GRID2: variants seen among roughly 807,000 people sequenced by gnomAD.
GRID2 encodes the protein glutamate receptor ionotropic, delta-2.
Under a neutral mutation model 114.8 loss-of-function variants are expected in GRID2, and 33 were observed. That is an observed-to-expected ratio of 0.29 (90% CI 0.22 to 0.38). GRID2 has a LOEUF of 0.38. Among genes scored for constraint, GRID2 ranks in the 10% least tolerant of loss-of-function variants. The pLI is 1.00. For missense variants in GRID2, 1,184 were observed against 1,257.7 expected, an observed-to-expected ratio of 0.94 and a Z score of 0.89; for synonymous variants, 505 against 449.9, an observed-to-expected ratio of 1.12 and a Z score of -1.55.
intron 1 of GRID2, among the ~76,000 whole-genome samples, chr4:93,788,441 A>T (rs1179691839): frequency 6.6e-6 from 1 of 152,196 alleles, no homozygotes; most frequent in Non-Finnish European, 1.5e-5. Flanking sequence ...GATAAGTATG[A>T]ATATCTTAAT....
intron 13 of GRID2, among the ~76,000 whole-genome samples, chr4:93,558,354 A>G (rs1026730707): frequency 6.6e-6 from 1 of 152,266 alleles, no homozygotes; most frequent in Admixed American, 6.5e-5. Context: ...ACTAATAAAG[A>G]AAAAAAGAGA....
chr4:93,101,328 A>G (rs1417116154), intron 3 of GRID2, among the ~76,000 whole-genome samples: 4 of 152,032 alleles, frequency 2.6e-5, no homozygotes, highest in Admixed American at 1.3e-4. Context: ...GATCTTAACT[A>G]TAGTCATCCT....
intron 1 of GRID2, among the ~76,000 whole-genome samples, chr4:92,438,748 T>G (rs549418236): frequency 6.6e-6 from 1 of 152,206 alleles, no homozygotes; most frequent in Non-Finnish European, 1.5e-5. Context: ...GTTGTATTTT[T>G]GAATTCTCTT....
intron 1 of GRID2, among the ~76,000 whole-genome samples, chr4:92,388,116 ATCT>A (rs1229782919): frequency 1.3e-5 from 2 of 152,028 alleles, no homozygotes; most frequent in African/African-American, 4.8e-5. Flanking sequence ...TTGTTTGCTC[ATCT>A]TCTGCTAGAG....
chr4:93,169,080 G>A (rs1041940209), intron 4 of GRID2, among the ~76,000 whole-genome samples: 1 of 147,728 alleles, frequency 6.8e-6, no homozygotes, highest in Middle Eastern at 3.2e-3. Context: ...AAAAGAACAT[G>A]TATTCACTCC....
At chr4:93,402,805 C>T (rs1231345529) in intron 9 of GRID2, among the ~76,000 whole-genome samples, 1 of 151,962 alleles carries the variant, frequency 6.6e-6, no homozygotes, top group Non-Finnish European at 1.5e-5. Context: ...TGATTCCAGG[C>T]TAGCTTTAAA....
intron 2 of GRID2, among the ~76,000 whole-genome samples, chr4:92,873,195 T>C (rs1037103230): frequency 7.9e-5 from 12 of 152,180 alleles, no homozygotes; most frequent in Non-Finnish European, 1.8e-4. Context: ...ATAATATCAG[T>C]CTGTAATCAT....
At chr4:93,477,365 C>T (rs556936747) in intron 11 of GRID2, among the ~76,000 whole-genome samples, 1 of 152,098 alleles carries the variant, frequency 6.6e-6, no homozygotes, top group Non-Finnish European at 1.5e-5. Context: ...GAAGGTCATT[C>T]AGCCATAGCA....
intron 14 of GRID2, among the ~76,000 whole-genome samples, chr4:93,678,414 G>A (rs1313815318): frequency 1.3e-5 from 2 of 152,020 alleles, no homozygotes; most frequent in East Asian, 3.9e-4. Flanking sequence ...TCAGATTCAG[G>A]AAATACAGAG....
At chr4:93,344,986 TGTGTG>T (rs1760069561) in intron 8 of GRID2, among the ~76,000 whole-genome samples, 2 of 78,734 alleles carry the variant, frequency 2.5e-5, no homozygotes, top group Admixed American at 1.1e-4. Context: ...TGTATTCTAG[TGTGTG>T]TGTGTGTGTG....
chr4:93,618,034 A>G (rs750820841), intron 13 of GRID2, among the ~76,000 whole-genome samples: 82 of 152,274 alleles, frequency 5.4e-4, no homozygotes, highest in Middle Eastern at 3.4e-3. Context: ...TGCCTCCCTG[A>G]AAGTTTACTC....
chr4:93,713,919 T>C (rs750173551), intron 14 of GRID2, among the ~76,000 whole-genome samples: 4 of 152,184 alleles, frequency 2.6e-5, no homozygotes, highest in Middle Eastern at 6.3e-3. Flanking sequence ...CTTTTTCTTA[T>C]ACTTTGCCAT....
intron 2 of GRID2, among the ~76,000 whole-genome samples, chr4:92,888,554 G>C (rs1237995373): frequency 1.3e-5 from 2 of 151,910 alleles, no homozygotes; most frequent in Non-Finnish European, 2.9e-5. Flanking sequence ...GCGCTGGGGG[G>C]ATGAAACTAA....
At chr4:93,206,230 A>G (rs1013476423) in intron 4 of GRID2, among the ~76,000 whole-genome samples, 4 of 152,102 alleles carry the variant, frequency 2.6e-5, no homozygotes, top group African/African-American at 9.7e-5. Context: ...CAAGTGTTAA[A>G]AAACAAAGAT....
intron 14 of GRID2, among the ~76,000 whole-genome samples, chr4:93,719,293 T>C (rs1401187860): frequency 6.6e-6 from 1 of 152,090 alleles, no homozygotes; most frequent in African/African-American, 2.4e-5. Flanking sequence ...AAGAATCTGA[T>C]ACAAACTTAT....
intron 8 of GRID2, among the ~76,000 whole-genome samples, chr4:93,372,180 A>T (rs1762995573): frequency 6.6e-6 from 1 of 152,232 alleles, no homozygotes; most frequent in Non-Finnish European, 1.5e-5. Flanking sequence ...TAACAATAAA[A>T]TAGTAATACA....
intron 14 of GRID2, among the ~76,000 whole-genome samples, chr4:93,637,287 A>G (rs181499538): frequency 1.3e-5 from 2 of 152,298 alleles, no homozygotes; most frequent in East Asian, 3.9e-4. Flanking sequence ...TAATTCTCAC[A>G]ATAAGCTTGT....
intron 13 of GRID2, among the ~76,000 whole-genome samples, chr4:93,583,948 CA>C (rs1737264342): frequency 6.6e-6 from 1 of 152,138 alleles, no homozygotes; most frequent in Non-Finnish European, 1.5e-5. Context: ...CATCACTAAA[CA>C]GTCCTATTGG....
chr4:93,554,358 C>T (rs377013894), intron 13 of GRID2, among the ~76,000 whole-genome samples: 126 of 152,200 alleles, frequency 8.3e-4, no homozygotes, highest in African/African-American at 2.6e-3. Flanking sequence ...TGATACTATT[C>T]GTAGAAGCTT....
Sources: allele counts gnomAD v4.1 joint callset (sites outside exome capture counted in the v4.1 genomes callset), GRCh38; gene constraint gnomAD v4.1.1; transcripts MANE v1.5; gene names NCBI Gene and HGNC (gene_info 2026-07-23, HGNC 2026-07-21).